The following PCBP2 variants were observed in gnomAD, a reference collection of about 807,000 sequenced individuals.
The protein encoded by PCBP2 is poly(rC) binding protein 2, also known as poly(rC)-binding protein 2.
A neutral mutation model predicts 50.1 loss-of-function variants in PCBP2; 4 were observed. That is an observed-to-expected ratio of 0.08 (90% CI 0.04 to 0.18). The LOEUF (loss-of-function observed/expected upper bound fraction) is 0.18. PCBP2 is among the 10% of genes least tolerant of loss of function. The pLI, the probability that PCBP2 is intolerant of heterozygous loss-of-function variation, is 1.00. For missense variants in PCBP2, 161 were observed against 474.3 expected (o/e 0.34, Z 6.14); for synonymous variants, 179 against 168.0 (o/e 1.07, Z -0.51).
At chr12:53,456,939 TA>T (rs1377034324) in intron 5 of PCBP2, among the ~76,000 whole-genome samples, 2 of 152,178 alleles carry the variant, frequency 1.3e-5, no homozygotes, top group Non-Finnish European at 2.9e-5. Context: ...TTAGAAATGT[TA>T]CCTTTTGACC....
intron 10 of PCBP2, among the ~76,000 whole-genome samples, chr12:53,466,201 C>T (rs1472881298): frequency 6.6e-6 from 1 of 152,232 alleles, no homozygotes; most frequent in Non-Finnish European, 1.5e-5. Context: ...TTAGCTTCTC[C>T]TTTCCCCCTG....
intron 7 of PCBP2, 154 bp from the exon 8 acceptor site, chr12:53,462,339 A>G (rs1488991550): frequency 5.7e-6 from 3 of 524,682 alleles, no homozygotes; most frequent in Non-Finnish European, 1.0e-5. Context: ...TTCAGTAGAT[A>G]AATTGAGATT....
At chr12:53,461,728 G>A (rs1277816386) in intron 7 of PCBP2, among the ~76,000 whole-genome samples, 2 of 152,266 alleles carry the variant, frequency 1.3e-5, no homozygotes, top group Non-Finnish European at 2.9e-5. Context: ...GTGTGTGTGT[G>A]TGTGACGGGT....
chr12:53,474,972 TCCA>T (rs1565873661), intron 14 of PCBP2: 1 of 456,626 alleles, frequency 2.2e-6, no homozygotes, highest in East Asian at 7.0e-5. Context: ...TTCTTCCTCC[TCCA>T]CCACCACCCC....
chr12:53,467,680 G>GTT, intron 11 of PCBP2, 125 bp from the exon 12 acceptor site: 2 of 810,550 alleles, frequency 2.5e-6, no homozygotes, highest in Non-Finnish European at 4.2e-6. Context: ...ATTGTGTAGT[G>GTT]TTTTTTTTGT....
chr12:53,452,458 A>C (rs1413874940), intron 1 of PCBP2, 82 bp downstream of exon 1: 2 of 150,212 alleles, frequency 1.3e-5, no homozygotes, highest in African/African-American at 2.5e-5. Context: ...CTCGGGTCCT[A>C]GTCACGAGCC....
chr12:53,469,925 A>T (rs1018187632), intron 13 of PCBP2, among the ~76,000 whole-genome samples: 5 of 151,458 alleles, frequency 3.3e-5, no homozygotes, highest in Admixed American at 3.3e-4. Flanking sequence ...TATTTTTTTT[A>T]ATTAGAGATG....
At chr12:53,460,029 C>T (rs992608648) in intron 6 of PCBP2, 1 of 284,856 alleles carries the variant, frequency 3.5e-6, no homozygotes, top group African/African-American at 2.2e-5. Context: ...AGTGTTATTA[C>T]TACAGGCTTG....
chr12:53,454,981 A>C, intron 2 of PCBP2, 112 bp downstream of exon 2: 1 of 892,642 alleles, frequency 1.1e-6, no homozygotes, highest in East Asian at 2.4e-5. Context: ...ATCTGGCTTT[A>C]GCACATTTCC....
At position 53,479,395 on chromosome 12, in the gene PCBP2, CTG is replaced by C. The variant is rs374872845; in HGVS notation, c.1053-7_1053-6del. On this transcript the variant is annotated splice_polypyrimidine_tract_variant and intron_variant, in intron 14 of 14. Coordinates refer to ENST00000546463, the MANE Select transcript of PCBP2 (RefSeq NM_031989.5). ...GGGGAAACTAACTGAGTTCTTGTTT[CTG>C]TGTTACAGGCTTTCCTCGGAGACGG... 6.3e-5 allele frequency: 102 copies of C among 1,613,760 alleles called. No homozygotes were observed. In the African/African-American group the frequency reaches 1.3e-3, roughly 20 times the overall value.
rs146607300 is a variant in PCBP2 at position 53,481,108 on chromosome 12, CATAT to C, written c.*1679_*1682del. 5.3e-4 allele frequency: 305 copies of C among 578,578 alleles called. No homozygotes were observed. The highest frequency in any genetic ancestry group is 1.4e-3 in the Middle Eastern group (2 of 1,440). The allele number at this position is 578,578 out of a possible 1,614,324, so 35.8% of individuals were successfully genotyped here. On this transcript the variant is annotated 3_prime_UTR_variant, in exon 15 of 15. Transcript: ENST00000546463. Reference sequence around the variant, plus strand: ...CCATCTTTCTGTTGATTATGTGGCGCATATATATATATATATGTATATATATATA... The same window carrying C: ...CCATCTTTCTGTTGATTATGTGGCGCATATATATATATGTATATATATATA...
intron 8 of PCBP2, chr12:53,464,538 C>A: frequency 1.9e-6 from 1 of 526,748 alleles, no homozygotes; most frequent in Non-Finnish European, 3.2e-6. Context: ...TTGCCCCACC[C>A]CTTCATTCTT....
At position 53,454,672 on chromosome 12, in the gene PCBP2, A is replaced by G. The variant is rs192102630; in HGVS notation, c.-75-54A>G. 7.4e-4 allele frequency: 504 copies of G among 684,382 alleles called. 3 individuals carry two copies. In the African/African-American group the frequency reaches 7.7e-3, roughly 10 times the overall value. The allele number at this position is 684,382 out of a possible 1,614,324, so 42.4% of individuals were successfully genotyped here. The stretch of plus-strand genomic sequence containing the variant: ...ATTGATAAGGTGAAAATAACTTGGG[A>G]AATAATAACCTTGTTGTTTTCCTCC... On this transcript the variant is annotated intron_variant, in intron 1 of 14. Transcript: ENST00000546463.
At chr12:53,459,986 T>A (rs1220007480) in intron 6 of PCBP2, 2 of 369,792 alleles carry the variant, frequency 5.4e-6, no homozygotes, top group Admixed American at 5.4e-5. Flanking sequence ...TTCGAACTCC[T>A]GAGCTCAAGC....
intron 14 of PCBP2, among the ~76,000 whole-genome samples, chr12:53,476,857 T>C (rs1264089137): frequency 6.6e-6 from 1 of 152,172 alleles, no homozygotes; most frequent in Non-Finnish European, 1.5e-5. Context: ...GTAAGCTTGC[T>C]CCTCCTGTAG....
rs1490100054 is a variant in PCBP2, at chr12:53,479,777, A to C, written c.*335A>C. The C allele has an allele frequency of 5.4e-6, 1 of 184,472 alleles. No individual in the cohort carries two copies. The highest frequency in any genetic ancestry group is 1.1e-5 in the Non-Finnish European group (1 of 90,476). 11.4% of individuals were successfully genotyped at this position (184,472 alleles called of 1,614,324 possible). ...TGTAATGTCAGGAATTTTTCAAAAA[A>C]ATTAAAAGATGGACTGGAGCTTTTT... On this transcript the variant is annotated 3_prime_UTR_variant, in exon 15 of 15. Coordinates refer to ENST00000546463, the MANE Select transcript of PCBP2 (RefSeq NM_031989.5).
intron 1 of PCBP2, chr12:53,452,783 C>T (rs970375929): frequency 6.6e-6 from 1 of 152,014 alleles, no homozygotes; most frequent in African/African-American, 2.4e-5. Context: ...TTAGTCCGGC[C>T]CCTCCCCCTG....
intron 8 of PCBP2, among the ~76,000 whole-genome samples, chr12:53,463,323 T>C (rs1941583221): frequency 6.6e-6 from 1 of 152,218 alleles, no homozygotes; most frequent in Non-Finnish European, 1.5e-5. Context: ...ATGGTAGTCC[T>C]ATGCTCTGAT....
chr12:53,477,679 A>C (rs904342763), intron 14 of PCBP2, among the ~76,000 whole-genome samples: 21 of 149,828 alleles, frequency 1.4e-4, no homozygotes, highest in African/African-American at 4.9e-4. Flanking sequence ...AAAAAAAAAA[A>C]AAAAAAAAAA....
Sources: allele counts gnomAD v4.1 joint callset (sites outside exome capture counted in the v4.1 genomes callset), GRCh38; gene constraint gnomAD v4.1.1; transcripts MANE v1.5; gene names NCBI Gene and HGNC (gene_info 2026-07-23, HGNC 2026-07-21).